The following REV1 variants were observed in gnomAD, a reference collection of about 807,000 sequenced individuals.
REV1 encodes translesion synthesis protein REV1.
A neutral mutation model predicts 137.4 loss-of-function variants in REV1; 42 were observed. That is an observed-to-expected ratio of 0.31 (90% confidence interval 0.24 to 0.40). The LOEUF is 0.40. Among genes scored for constraint, REV1 ranks in the 10% least tolerant of loss-of-function variants. The pLI, the probability that REV1 is intolerant of heterozygous loss-of-function variation, is 1.00. For missense variants in REV1, 1,282 were observed against 1,490.1 expected (o/e 0.86, Z 2.30); for synonymous variants, 524 against 519.2 (o/e 1.01, Z -0.12).
At position 99,435,903 on chromosome 2, in the gene REV1, A is replaced by C. The variant is rs1394985616; in HGVS notation, c.1252T>G (p.Cys418Gly). 1 of 1,607,730 alleles carries C rather than the reference A, an allele frequency of 6.2e-7. No individual in the cohort carries two copies. The highest frequency in any genetic ancestry group is 8.5e-7 in the Non-Finnish European group (1 of 1,175,122). Residue 418 changes from cysteine to glycine, a missense_variant, in exon 7 of 23, where the codon TGT (cysteine) becomes GGT (glycine). By Grantham distance (159) the Cys-to-Gly change is radical. This residue lies in a region of REV1 where 432 missense variants were observed against 438.0 expected (regional missense o/e 0.99). Coordinates refer to ENST00000258428, the MANE Select transcript of REV1 (RefSeq NM_016316.4). ...CAATCCATATCAACATGCATTATAC[A>C]GCTCTGATGTCTGGGAGAATTCAAT... ...SVLNSPRHQS[C>G]IMHVDMDCFF...
rs546281496 is a variant in REV1 at position 99,433,886 on chromosome 2, T to G, written c.1438+446A>C. ...AGAGAGGCAACAAGGTTATTTCTCA[T>G]AACAGGTTCACTAAAGCATATGGAG... On this transcript the variant is annotated intron_variant, in intron 8 of 22. Transcript: ENST00000258428. Among the ~76,000 whole-genome samples the G allele has an allele frequency of 2.6e-5, 4 of 152,322 alleles. No individual in the cohort carries two copies. The South Asian group carries it at 8.3e-4, about 32-fold the overall frequency.
At chr2:99,401,775 AT>A (rs28745280) in intron 22 of REV1, among the ~76,000 whole-genome samples, 19 of 151,538 alleles carry the variant, frequency 1.3e-4, no homozygotes, top group Admixed American at 5.9e-4. Context: ...GAACACTCAA[AT>A]TTTTTTTTAT....
In REV1 at chr2:99,442,390, A is replaced by G. The variant is rs746354888; in HGVS notation, c.430T>C (p.Phe144Leu). 2 of 1,613,962 alleles carry G rather than the reference A, an allele frequency of 1.2e-6. No individual in the cohort carries two copies. Among genetic ancestry groups the G allele is most frequent in the Non-Finnish European group, 1.7e-6 (2 of 1,179,914 alleles). The change falls in exon 5 of 23, where the codon TTT becomes CTT. Residue 144 changes from phenylalanine (F) to leucine (L), a missense_variant. Physicochemically the swap from Phe to Leu is conservative, Grantham distance 22. Around this residue, in one of 7 missense-constraint regions of REV1, gnomAD observed 432 missense variants for 438.0 expected, o/e 0.99. Coordinates refer to ENST00000258428, the MANE Select transcript of REV1 (RefSeq NM_016316.4). Reference sequence around the variant, plus strand: ...TCCTCAGGTCTGCATACAGGATTAAAGCTGAGACCTTTCTGCACACTGGAC... The same window carrying G: ...TCCTCAGGTCTGCATACAGGATTAAGGCTGAGACCTTTCTGCACACTGGAC... ...KQSSVQKGLSFNPVCRPEDPL... is the reference protein window; with the variant it reads ...KQSSVQKGLSLNPVCRPEDPL...
chr2:99,461,673 G>C (rs1025248894), intron 3 of REV1, among the ~76,000 whole-genome samples: 3 of 152,208 alleles, frequency 2.0e-5, no homozygotes, highest in South Asian at 4.1e-4. Flanking sequence ...AGAAAACCTG[G>C]TAACTAACAG....
intron 3 of REV1, among the ~76,000 whole-genome samples, chr2:99,456,578 A>G (rs1683563016): frequency 6.6e-6 from 1 of 152,228 alleles, no homozygotes; most frequent in Non-Finnish European, 1.5e-5. Flanking sequence ...TCTCTAATCC[A>G]TGTTTGGCAA....
At chr2:99,488,807 A>C (rs542837284) in intron 1 of REV1, among the ~76,000 whole-genome samples, 18 of 152,256 alleles carry the variant, frequency 1.2e-4, no homozygotes, top group Non-Finnish European at 2.5e-4. Flanking sequence ...CTCGGAGACT[A>C]AAGTGCCAAG....
chr2:99,402,106 C>T lies in REV1; in HGVS notation c.3644+138G>A. 3 of 545,552 alleles carry T rather than the reference C, an allele frequency of 5.5e-6. No individual in the cohort carries two copies. In the South Asian group the frequency reaches 7.3e-5, roughly 13 times the overall value. 33.8% of individuals were successfully genotyped at this position (545,552 alleles called of 1,614,324 possible). On this transcript the variant is annotated intron_variant, in intron 22 of 22. Transcript: ENST00000258428. ...GGAACCTTATTTGCTACTTAGTCAA[C>T]ATGGCAAAATAAAGGATATCACTTT...
In REV1 at chr2:99,424,273, C is replaced by T. The variant is rs745495113; in HGVS notation, c.1555G>A (p.Gly519Ser). 6.2e-7 allele frequency: 1 copy of T among 1,613,236 alleles called. No homozygotes were observed. Among genetic ancestry groups the T allele is most frequent in the East Asian group, 2.2e-5 (1 of 44,820 alleles). ...ASCSYEARQL[G>S]IKNGMFFGHA... ...CCAAAAAACATTCCGTTCTTAATGCCAAGTTGCCTAGAGCGAGAACAAAAC... is the reference window on the plus strand; with the variant it reads ...CCAAAAAACATTCCGTTCTTAATGCTAAGTTGCCTAGAGCGAGAACAAAAC... Residue 519 changes from glycine (G) to serine (S), a missense_variant, in exon 10 of 23, where the codon GGC becomes AGC. Around this residue, in one of 7 missense-constraint regions of REV1, gnomAD observed 372 missense variants for 482.3 expected, o/e 0.77. Coordinates refer to ENST00000258428, the MANE Select transcript of REV1 (RefSeq NM_016316.4).
At chr2:99,476,066 A>G (rs1184382499) in intron 1 of REV1, among the ~76,000 whole-genome samples, 1 of 152,234 alleles carries the variant, frequency 6.6e-6, no homozygotes, top group Non-Finnish European at 1.5e-5. Context: ...ACACATACAT[A>G]TTATGCAACT....
chr2:99,437,585 TAACGCTTTTA>T (rs967747482), intron 6 of REV1, among the ~76,000 whole-genome samples: 3 of 152,174 alleles, frequency 2.0e-5, no homozygotes, highest in African/African-American at 7.2e-5. Flanking sequence ...CAACTCAAAA[TAACGCTTTTA>T]AACATTCAAG....
At position 99,403,104 on chromosome 2, in the gene REV1, G is replaced by A; in HGVS notation, c.3169C>T (p.Pro1057Ser). ...THQQSASASV[P>S]KNPLLHLKAA... Reference sequence around the variant, plus strand: ...TTTAGATGAAGTAAAGGATTCTTTGGCACTAAGAGCAGATGGATATAAGAT... The same window carrying A: ...TTTAGATGAAGTAAAGGATTCTTTGACACTAAGAGCAGATGGATATAAGAT... The change falls in exon 20 of 23, where the codon CCA becomes TCA. Residue 1057 changes from proline to serine, a missense_variant and splice_region_variant. This residue lies in a region of REV1 where 170 missense variants were observed against 156.8 expected (regional missense o/e 1.08). Transcript: ENST00000258428. 1 of 1,594,210 alleles carries A rather than the reference G, an allele frequency of 6.3e-7. No homozygotes were observed. Among genetic ancestry groups the A allele is most frequent in the Non-Finnish European group, 8.6e-7 (1 of 1,169,470 alleles).
intron 22 of REV1, among the ~76,000 whole-genome samples, chr2:99,401,619 T>G (rs879752791): frequency 6.6e-6 from 1 of 151,980 alleles, no homozygotes; most frequent in African/African-American, 2.4e-5. Context: ...TGGTGGCACA[T>G]GCCTATAATC....
At chr2:99,419,284 C>G (rs556186884) in intron 11 of REV1, among the ~76,000 whole-genome samples, 1 of 147,232 alleles carries the variant, frequency 6.8e-6, no homozygotes, top group Non-Finnish European at 1.5e-5. Context: ...GTGATCTCAG[C>G]TCACTGCAAG....
intron 3 of REV1, among the ~76,000 whole-genome samples, chr2:99,462,079 T>C (rs1447705579): frequency 6.6e-6 from 1 of 152,050 alleles, no homozygotes; most frequent in Non-Finnish European, 1.5e-5. Context: ...TTTACACTCT[T>C]CTACAGACAA....
intron 1 of REV1, among the ~76,000 whole-genome samples, chr2:99,473,961 AAT>A (rs755251673): frequency 3.3e-5 from 5 of 152,196 alleles, no homozygotes; most frequent in Admixed American, 6.5e-5. Flanking sequence ...CCTTTTCAAA[AAT>A]AGTTTTTCTT....
At chr2:99,419,082 G>T in intron 11 of REV1, 135 bp from the exon 12 acceptor site, 1 of 755,856 alleles carries the variant, frequency 1.3e-6, no homozygotes, top group Non-Finnish European at 2.1e-6. Context: ...CAAATAAGGT[G>T]TAGAATTTTG....
At chr2:99,464,196 A>G (rs769279814) in intron 2 of REV1, among the ~76,000 whole-genome samples, 1 of 152,232 alleles carries the variant, frequency 6.6e-6, no homozygotes, top group Non-Finnish European at 1.5e-5. Flanking sequence ...GGATTCAACT[A>G]TACTTTTCCT....
chr2:99,449,975 T>C (rs1008201082), intron 3 of REV1, among the ~76,000 whole-genome samples: 3 of 152,206 alleles, frequency 2.0e-5, no homozygotes, highest in African/African-American at 7.2e-5. Context: ...AAAGGAGACT[T>C]ACTGTAGGGC....
intron 1 of REV1, among the ~76,000 whole-genome samples, chr2:99,483,041 T>TA (rs1388265258): frequency 2.6e-5 from 4 of 151,916 alleles, no homozygotes; most frequent in African/African-American, 9.7e-5. Context: ...AAAATTTTTT[T>TA]TTTGTTACGG....
Sources: allele counts gnomAD v4.1 joint callset (sites outside exome capture counted in the v4.1 genomes callset), GRCh38; gene constraint gnomAD v4.1.1; regional missense constraint gnomAD v4.1.1; transcripts MANE v1.5; gene names NCBI Gene and HGNC (gene_info 2026-07-23, HGNC 2026-07-21).